ASB18: variants seen among roughly 807,000 people sequenced by gnomAD.
ASB18 encodes the protein ankyrin repeat and SOCS box protein 18.
A neutral mutation model predicts 33.4 loss-of-function variants in ASB18; 33 were observed. That is an observed-to-expected ratio of 0.99 (90% CI 0.75 to 1.32). The LOEUF (loss-of-function observed/expected upper bound fraction) is 1.32, where lower values mean the gene tolerates loss of function less well. ASB18 is among the 40% of genes most tolerant of loss of function. ASB18 has a pLI of 0.00. For synonymous variants in ASB18, 295 were observed against 307.6 expected (o/e 0.96, Z 0.43); for missense variants, 694 against 655.5 (o/e 1.06, Z -0.64).
intron 4 of ASB18, among the ~76,000 whole-genome samples, chr2:236,206,260 A>C (rs1270109967): frequency 2.6e-5 from 4 of 151,280 alleles, no homozygotes; most frequent in African/African-American, 9.7e-5. Context: ...ACTGAGGTTG[A>C]CTTTCCAACA....
At position 236,229,331 on chromosome 2, in the gene ASB18, A is replaced by G. The variant is rs769583963; in HGVS notation, c.596+8358T>C. 1.3e-5 allele frequency among the ~76,000 whole-genome samples: 2 copies of G among 152,304 alleles called. No homozygotes were observed. Among genetic ancestry groups the G allele is most frequent in the South Asian group, 2.1e-4 (1 of 4,816 alleles). On this transcript the variant is annotated intron_variant, in intron 3 of 5. Transcript: ENST00000409749. This position sits in a 1 kb window ranked among gnomAD's most constrained non-coding sequence, Gnocchi z 5.2. ...TTCAGAAGAGAAGATCAATCAATCA[A>G]TCAGAGAGAGAGGCTGAGCAAAATG... is the stretch of plus-strand genomic sequence containing the variant.
Position 236,238,695 on chromosome 2 carries a change from T to C in ASB18, c.329-739A>G, listed in dbSNP as rs1250164669. 6.6e-6 allele frequency among the ~76,000 whole-genome samples: 1 copy of C among 151,970 alleles called. No individual in the cohort carries two copies. Among genetic ancestry groups the C allele is most frequent in the African/African-American group, 2.4e-5 (1 of 41,372 alleles). On this transcript the variant is annotated intron_variant, in intron 2 of 5. Transcript: ENST00000409749. The surrounding 1 kb of genome is among the most constrained non-coding windows in gnomAD (Gnocchi z 5.2). ...ATACATTTTTACTTCTCTGAAAACT[T>C]TGGCACTTTCAAAAAGCCCGTGGAA...
In ASB18 at chr2:236,222,127, A is replaced by T. The variant is rs2060515595; in HGVS notation, c.597-7261T>A. Among the ~76,000 whole-genome samples, 1 of 152,124 alleles carries T rather than the reference A, an allele frequency of 6.6e-6. No individual in the cohort carries two copies. Among genetic ancestry groups the T allele is most frequent in the Non-Finnish European group, 1.5e-5 (1 of 68,008 alleles). On this transcript the variant is annotated intron_variant, in intron 3 of 5. Coordinates refer to ENST00000409749, the MANE Select transcript of ASB18 (RefSeq NM_212556.4). This position sits in a 1 kb window ranked among gnomAD's most constrained non-coding sequence, Gnocchi z 5.5. ...GGGAAGCCACAGCTCCACGACTTTG[A>T]TGGAGGAGCGGTTCCACTTTATTTC... is the stretch of plus-strand genomic sequence containing the variant.
At position 236,204,397 on chromosome 2, in the gene ASB18, G is replaced by A. The variant is rs937779081; in HGVS notation, c.1102-8012C>T. ...TGGTTGCCCCTCCTCGGTTTCCTTA[G>A]CTGCTGTCTCATCTCCGTCCTTCAG... On this transcript the variant is annotated intron_variant, in intron 4 of 5. Coordinates refer to ENST00000409749, the MANE Select transcript of ASB18 (RefSeq NM_212556.4). This position sits in a 1 kb window ranked among gnomAD's most constrained non-coding sequence, Gnocchi z 5.1. Among the ~76,000 whole-genome samples, 2 of 152,138 alleles carry A rather than the reference G, an allele frequency of 1.3e-5. No individual in the cohort carries two copies. The highest frequency in any genetic ancestry group is 4.8e-5 in the African/African-American group (2 of 41,436).
Position 236,196,076 on chromosome 2 carries a change from T to C in ASB18, c.1215+196A>G. Reference sequence around the variant, plus strand: ...CTTGAGGCCATGGCACCGCAACTACTATAACAAGCTCCTGGCTGTGTGATT... The same window carrying C: ...CTTGAGGCCATGGCACCGCAACTACCATAACAAGCTCCTGGCTGTGTGATT... On this transcript the variant is annotated intron_variant, in intron 5 of 5. Transcript: ENST00000409749. The surrounding 1 kb of genome is among the most constrained non-coding windows in gnomAD (Gnocchi z 5.6). 2 of 612,628 alleles carry C rather than the reference T, an allele frequency of 3.3e-6. No homozygotes were observed. Among genetic ancestry groups the C allele is most frequent in the East Asian group, 3.0e-5 (1 of 33,488 alleles). The allele number at this position is 612,628 out of a possible 1,614,324, so 37.9% of individuals were successfully genotyped here. A position where few individuals can be genotyped will look rare whatever the true frequency, so the allele number is the denominator to read the frequency against.
In ASB18 at chr2:236,217,424, A is replaced by AAAAAAAT. The variant is rs1553600511; in HGVS notation, c.597-2559_597-2558insATTTTTT. On this transcript the variant is annotated intron_variant, in intron 3 of 5. Transcript: ENST00000409749. This position sits in a 1 kb window ranked among gnomAD's most constrained non-coding sequence, Gnocchi z 5.2. ...CGAGACTCTGTCTCAAAAAAAAAAA[A>AAAAAAAT]AAATAAATCTTGGCACCTTCAACTC... is the stretch of plus-strand genomic sequence containing the variant. Among the ~76,000 whole-genome samples the AAAAAAAT allele has an allele frequency of 7.8e-3, 1,173 of 150,386 alleles. 21 individuals carry two copies. Among genetic ancestry groups the AAAAAAAT allele is most frequent in the Admixed American group, 0.028 (426 of 15,166 alleles).
Position 236,259,462 on chromosome 2 carries a change from A to G in ASB18, c.205+4679T>C, listed in dbSNP as rs530123109. 55 of 464,388 alleles carry G rather than the reference A, an allele frequency of 1.2e-4. No homozygotes were observed. Among genetic ancestry groups the G allele is most frequent in the Non-Finnish European group, 2.3e-4 (50 of 222,024 alleles). 28.8% of individuals were successfully genotyped at this position (464,388 alleles called of 1,614,324 possible). Reference sequence around the variant, plus strand: ...AAAAAGCAGCCTAGCAAGGCCATGCACTTCCGTAATGGATGGAGACTAAGG... The same window carrying G: ...AAAAAGCAGCCTAGCAAGGCCATGCGCTTCCGTAATGGATGGAGACTAAGG... On this transcript the variant is annotated intron_variant, in intron 1 of 5. Coordinates refer to ENST00000409749, the MANE Select transcript of ASB18 (RefSeq NM_212556.4). This position sits in a 1 kb window ranked among gnomAD's most constrained non-coding sequence, Gnocchi z 4.4.
Position 236,253,889 on chromosome 2 carries a change from G to A in ASB18, c.205+10252C>T, listed in dbSNP as rs1163552321. 1 of 152,180 alleles carries A rather than the reference G, an allele frequency of 6.6e-6. No homozygotes were observed. Among genetic ancestry groups the A allele is most frequent in the Non-Finnish European group, 1.5e-5 (1 of 68,066 alleles). The allele number at this position is 152,180 out of a possible 1,614,324, so 9.4% of individuals were successfully genotyped here. Reference sequence around the variant, plus strand: ...CTACCACATTCAGAGTAGCCCCTGTGACTGTTCAGCCTCTGGGTGGGTGCA... The same window carrying A: ...CTACCACATTCAGAGTAGCCCCTGTAACTGTTCAGCCTCTGGGTGGGTGCA... On this transcript the variant is annotated intron_variant, in intron 1 of 5. Transcript: ENST00000409749. This position sits in a 1 kb window ranked among gnomAD's most constrained non-coding sequence, Gnocchi z 5.4.
rs1386614100 is a variant in ASB18 at position 236,238,074 on chromosome 2, G to C, written c.329-118C>G. 1 of 790,448 alleles carries C rather than the reference G, an allele frequency of 1.3e-6. No homozygotes were observed. 49.0% of individuals were successfully genotyped at this position (790,448 alleles called of 1,614,324 possible). On this transcript the variant is annotated intron_variant, in intron 2 of 5. Coordinates refer to ENST00000409749, the MANE Select transcript of ASB18 (RefSeq NM_212556.4). The surrounding 1 kb of genome is among the most constrained non-coding windows in gnomAD (Gnocchi z 5.2). ...TCTCTTAAAGGTAGGTACCAGGTAG[G>C]CATGTAGGGAGAAGAGGATAGAATC...
chr2:236,196,665 T>G lies in ASB18; in HGVS notation c.1102-280A>C, dbSNP rs1256369070. ...TGGGCCAAGTGCTTAAGCATTCAGG[T>G]TCCCAGGGGGGCTATGCTGGTGGCT... On this transcript the variant is annotated intron_variant, in intron 4 of 5. Transcript: ENST00000409749. The surrounding 1 kb of genome is among the most constrained non-coding windows in gnomAD (Gnocchi z 5.6). Among the ~76,000 whole-genome samples, 1 of 152,186 alleles carries G rather than the reference T, an allele frequency of 6.6e-6. No homozygotes were observed. The highest frequency in any genetic ancestry group is 2.4e-5 in the African/African-American group (1 of 41,438).
In ASB18 at chr2:236,259,736, G is replaced by C; in HGVS notation, c.205+4405C>G. The C allele has an allele frequency of 2.7e-6, 1 of 372,242 alleles. No individual in the cohort carries two copies. The highest frequency in any genetic ancestry group is 2.0e-5 in the South Asian group (1 of 49,272). 23.1% of individuals were successfully genotyped at this position (372,242 alleles called of 1,614,324 possible). ...CAGGTCCATCCTTGCAGGAGAGCAG[G>C]TGCCTTCACAAGGGCACAGGCCAGT... is the stretch of plus-strand genomic sequence containing the variant. On this transcript the variant is annotated intron_variant, in intron 1 of 5. Transcript: ENST00000409749. The surrounding 1 kb of genome is among the most constrained non-coding windows in gnomAD (Gnocchi z 4.4).
In ASB18 at chr2:236,241,391, G is replaced by C. The variant is rs1178842629; in HGVS notation, c.217C>G (p.His73Asp). Residue 73 changes from histidine to aspartate, a missense_variant, in exon 2 of 6, where the codon CAT (histidine) becomes GAT (aspartate). Coordinates refer to ENST00000409749, the MANE Select transcript of ASB18 (RefSeq NM_212556.4). This position sits in a 1 kb window ranked among gnomAD's most constrained non-coding sequence, Gnocchi z 4.2. Reference protein sequence around the residue: ...PTGMLLGDLDHLKPLMDQFFQ... With the variant: ...PTGMLLGDLDDLKPLMDQFFQ... Reference sequence around the variant, plus strand: ...AACTGGTCCATGAGGGGCTTCAGATGGTCGAGGTCCCCTGCGACCAGGGCA... The same window carrying C: ...AACTGGTCCATGAGGGGCTTCAGATCGTCGAGGTCCCCTGCGACCAGGGCA... 6.2e-7 allele frequency: 1 copy of C among 1,613,972 alleles called. No homozygotes were observed.
rs1489588768 is a variant in ASB18 at position 236,223,898 on chromosome 2, T to C, written c.597-9032A>G. On this transcript the variant is annotated intron_variant, in intron 3 of 5. Coordinates refer to ENST00000409749, the MANE Select transcript of ASB18 (RefSeq NM_212556.4). This position sits in a 1 kb window ranked among gnomAD's most constrained non-coding sequence, Gnocchi z 4.6. ...TGAGTCATATTCAATTGTATGGATA[T>C]ACCACAATTTTAAGCCATTTTCCCA... Among the ~76,000 whole-genome samples, 2 of 152,240 alleles carry C rather than the reference T, an allele frequency of 1.3e-5. No homozygotes were observed. Among genetic ancestry groups the C allele is most frequent in the Non-Finnish European group, 2.9e-5 (2 of 68,046 alleles).
chr2:236,214,305 G>T lies in ASB18; in HGVS notation c.1101+57C>A, dbSNP rs1576398202. Reference sequence around the variant, plus strand: ...CCGCATGCAACCCAGCTCCCAGGCCGGTCACTAAGTGGCAAAACTCCAGGG... The same window carrying T: ...CCGCATGCAACCCAGCTCCCAGGCCTGTCACTAAGTGGCAAAACTCCAGGG... On this transcript the variant is annotated intron_variant, in intron 4 of 5. Coordinates refer to ENST00000409749, the MANE Select transcript of ASB18 (RefSeq NM_212556.4). The surrounding 1 kb of genome is among the most constrained non-coding windows in gnomAD (Gnocchi z 6.5). The T allele has an allele frequency of 1.3e-6, 2 of 1,523,424 alleles. No individual in the cohort carries two copies. The highest frequency in any genetic ancestry group is 1.8e-6 in the Non-Finnish European group (2 of 1,136,536). The allele number at this position is 1,523,424 out of a possible 1,614,324, so 94.4% of individuals were successfully genotyped here.
At chr2:236,206,223 T>C (rs1441973621) in intron 4 of ASB18, among the ~76,000 whole-genome samples, 1 of 152,006 alleles carries the variant, frequency 6.6e-6, no homozygotes, top group Non-Finnish European at 1.5e-5. Flanking sequence ...GAATAGTTTT[T>C]GTCATTAGTA....
chr2:236,242,608 A>G lies in ASB18; in HGVS notation c.206-1206T>C, dbSNP rs75739026. ...TAGCTGAGATTACAGGCATGTGCAT[A>G]TCACCACGCCCTGCTAATTTTTTTT... On this transcript the variant is annotated intron_variant, in intron 1 of 5. Transcript: ENST00000409749. Among the ~76,000 whole-genome samples, 1,459 of 152,236 alleles carry G rather than the reference A, an allele frequency of 9.6e-3. 21 individuals carry two copies. Among genetic ancestry groups the G allele is most frequent in the African/African-American group, 0.034 (1,394 of 41,552 alleles).
rs540424755 is a variant in ASB18 at position 236,211,762 on chromosome 2, C to T, written c.1101+2600G>A. On this transcript the variant is annotated intron_variant, in intron 4 of 5. Transcript: ENST00000409749. This position sits in a 1 kb window ranked among gnomAD's most constrained non-coding sequence, Gnocchi z 5.0. ...TCTAGCTTTCCACAGAGTTTTGCTT[C>T]GGTTGTGGGGACCAAGCTAGAACAT... 8.9e-4 allele frequency among the ~76,000 whole-genome samples: 135 copies of T among 152,276 alleles called. No individual in the cohort carries two copies. Among genetic ancestry groups the T allele is most frequent in the African/African-American group, 3.1e-3 (128 of 41,566 alleles).
intron 4 of ASB18, among the ~76,000 whole-genome samples, chr2:236,212,470 A>T (rs2060463094): frequency 6.6e-6 from 1 of 152,246 alleles, no homozygotes; most frequent in South Asian, 2.1e-4. Context: ...TTCAAGGCTA[A>T]CAAAGGATTA....
rs955585095 is a variant in ASB18, at chr2:236,234,317, C to T, written c.596+3372G>A. Reference sequence around the variant, plus strand: ...GGATCCTGAGGAGGCAGGGACCTTCCTGCTTCAGCCCCTTCAGAATAGAGA... The same window carrying T: ...GGATCCTGAGGAGGCAGGGACCTTCTTGCTTCAGCCCCTTCAGAATAGAGA... On this transcript the variant is annotated intron_variant, in intron 3 of 5. Coordinates refer to ENST00000409749, the MANE Select transcript of ASB18 (RefSeq NM_212556.4). This position sits in a 1 kb window ranked among gnomAD's most constrained non-coding sequence, Gnocchi z 4.1. Among the ~76,000 whole-genome samples the T allele has an allele frequency of 6.6e-6, 1 of 152,226 alleles. No individual in the cohort carries two copies. Among genetic ancestry groups the T allele is most frequent in the Non-Finnish European group, 1.5e-5 (1 of 68,044 alleles).
Sources: allele counts gnomAD v4.1 joint callset (sites outside exome capture counted in the v4.1 genomes callset), GRCh38; gene constraint gnomAD v4.1.1; non-coding constraint Gnocchi (gnomAD v3.1); transcripts MANE v1.5; gene names NCBI Gene and HGNC (gene_info 2026-07-23, HGNC 2026-07-21).